RAPH1: variants seen among roughly 807,000 people sequenced by gnomAD.
RAPH1 encodes ras-associated and pleckstrin homology domains-containing protein 1.
Under a neutral mutation model 88.1 loss-of-function variants are expected in RAPH1, and 18 were observed. The observed-to-expected ratio is 0.20, with a 90% confidence interval of 0.14 to 0.30. The LOEUF (loss-of-function observed/expected upper bound fraction) is 0.30. RAPH1 is among the 10% of genes least tolerant of loss of function. The pLI, the probability that RAPH1 is intolerant of heterozygous loss-of-function variation, is 1.00. For synonymous variants in RAPH1, 587 were observed against 559.0 expected, an observed-to-expected ratio of 1.05 and a Z score of -0.71; for missense variants, 1,448 against 1,543.2, an observed-to-expected ratio of 0.94 and a Z score of 1.03.
intron 13 of RAPH1, chr2:203,442,108 T>TAAACA: frequency 6.3e-7 from 1 of 1,582,776 alleles, no homozygotes; most frequent in Non-Finnish European, 8.6e-7. Flanking sequence ...AAATGCTTTG[T>TAAACA]AAACATTATA....
chr2:203,506,872 A>ATATC, intron 1 of RAPH1, among the ~76,000 whole-genome samples: 1 of 96,302 alleles, frequency 1.0e-5, no homozygotes, highest in South Asian at 3.1e-4. Flanking sequence ...ATATATATAT[A>ATATC]TATATATAGA....
At chr2:203,449,884 G>C (rs538620177) in intron 10 of RAPH1, among the ~76,000 whole-genome samples, 1 of 151,930 alleles carries the variant, frequency 6.6e-6, no homozygotes. Context: ...TTAGTTGGAC[G>C]TGGTGGTGCA....
At position 203,530,629 on chromosome 2, in the gene RAPH1, C is replaced by T. The variant is rs542335585; in HGVS notation, c.-1+4482G>A. Among the ~76,000 whole-genome samples, 7 of 152,282 alleles carry T rather than the reference C, an allele frequency of 4.6e-5. No homozygotes were observed. The South Asian group carries it at 8.3e-4, about 18-fold the overall frequency. Reference sequence around the variant, plus strand: ...AATTTAGGCCAAGCGTGATGGCTCACGCCTGTAATCCCAGCACTTTGGGAA... The same window carrying T: ...AATTTAGGCCAAGCGTGATGGCTCATGCCTGTAATCCCAGCACTTTGGGAA... On this transcript the variant is annotated intron_variant, in intron 1 of 13. Transcript: ENST00000319170.
chr2:203,496,991 C>T (rs987009731), intron 1 of RAPH1, among the ~76,000 whole-genome samples: 1 of 152,158 alleles, frequency 6.6e-6, no homozygotes, highest in Non-Finnish European at 1.5e-5. Context: ...ACTTGATATA[C>T]ATATGCCATG....
At chr2:203,481,568 A>AATATATATATATATATATAT (rs60650703) in intron 4 of RAPH1, among the ~76,000 whole-genome samples, 21 of 138,094 alleles carry the variant, frequency 1.5e-4, no homozygotes, top group African/African-American at 5.6e-4. Flanking sequence ...TAAATAGATG[A>AATATATATATATATATATAT]ATATATATAT....
Position 203,448,218 on chromosome 2 carries a change from C to T in RAPH1, c.1513-139G>A. On this transcript the variant is annotated intron_variant, in intron 11 of 13. Transcript: ENST00000319170. The surrounding 1 kb of genome is among the most constrained non-coding windows in gnomAD (Gnocchi z 4.1). ...TAATACCTATGATAGTTCAAAAATT[C>T]CTCTAATACCATAAATTATAATCTA... 3.1e-6 allele frequency: 2 copies of T among 641,778 alleles called. No homozygotes were observed. Among genetic ancestry groups the T allele is most frequent in the Non-Finnish European group, 4.9e-6 (2 of 411,970 alleles). The allele number at this position is 641,778 out of a possible 1,614,324, so 39.8% of individuals were successfully genotyped here. A position where few individuals can be genotyped will look rare whatever the true frequency, so the allele number is the denominator to read the frequency against.
chr2:203,441,285 AGGT>A lies in RAPH1; in HGVS notation c.1902_1904del (p.Pro648del). The stretch of plus-strand genomic sequence containing the variant: ...GTGGTGGAGGGGGTGGTGGAGGAGG[AGGT>A]GGGGGTGGCGGAGGAGGTAGAGGTG... On this transcript the variant is annotated inframe_deletion, in exon 14 of 14. Transcript: ENST00000319170. 1 of 319,016 alleles carries A rather than the reference AGGT, an allele frequency of 3.1e-6. No homozygotes were observed. Among genetic ancestry groups the A allele is most frequent in the Non-Finnish European group, 4.2e-6 (1 of 235,576 alleles). 19.8% of individuals were successfully genotyped at this position (319,016 alleles called of 1,614,324 possible).
At chr2:203,441,528 A>T in intron 13 of RAPH1, 115 bp from the exon 14 acceptor site, 1 of 1,407,152 alleles carries the variant, frequency 7.1e-7, no homozygotes, top group Non-Finnish European at 9.2e-7. Context: ...GACATGCATG[A>T]AAAGGATGCA....
intron 1 of RAPH1, among the ~76,000 whole-genome samples, chr2:203,534,508 A>ACCCCCCCCCCCCCCCCCCCCCC (rs71007530): frequency 5.2e-5 from 1 of 19,108 alleles, no homozygotes; most frequent in Non-Finnish European, 1.7e-4. Context: ...CCCTCCGTCC[A>ACCCCCCCCCCCCCCCCCCCCCC]CCCCCCCCCC....
chr2:203,459,929 T>C lies in RAPH1; in HGVS notation c.1070A>G (p.Tyr357Cys). ...TACCTGTGGGTTTTTGAAAAGTGCA[T>C]ATTTTTCTATACGCTCCATAAATAT... The part of the protein sequence containing the change: ...KLIFMERIEK[Y>C]ALFKNPQNYL... The change falls in exon 7 of 14, where the codon TAT (tyrosine) becomes TGT (cysteine). Residue 357 changes from tyrosine (Y) to cysteine (C), a missense_variant. Physicochemically the swap from Tyr to Cys is radical, Grantham distance 194. Transcript: ENST00000319170. 1 of 1,613,182 alleles carries C rather than the reference T, an allele frequency of 6.2e-7. No homozygotes were observed. The highest frequency in any genetic ancestry group is 8.5e-7 in the Non-Finnish European group (1 of 1,179,564).
intron 4 of RAPH1, among the ~76,000 whole-genome samples, chr2:203,467,884 C>T (rs1320141499): frequency 1.3e-5 from 2 of 151,920 alleles, no homozygotes; most frequent in African/African-American, 4.8e-5. Context: ...TCTCCCACCT[C>T]AGCCTCCTGA....
At chr2:203,534,123 C>A (rs1475703171) in intron 1 of RAPH1, among the ~76,000 whole-genome samples, 3 of 152,206 alleles carry the variant, frequency 2.0e-5, no homozygotes, top group Non-Finnish European at 2.9e-5. Flanking sequence ...TCATCCCTAA[C>A]CCGTTACCTT....
chr2:203,441,664 GA>G, intron 13 of RAPH1: 5 of 1,313,058 alleles, frequency 3.8e-6, no homozygotes, highest in Non-Finnish European at 4.8e-6. Flanking sequence ...AACAATCTAG[GA>G]AAAATGTCCG....
intron 1 of RAPH1, among the ~76,000 whole-genome samples, chr2:203,526,893 C>G (rs1157150331): frequency 2.0e-5 from 3 of 151,648 alleles, no homozygotes; most frequent in South Asian, 2.1e-4. Flanking sequence ...AAGCAATTCT[C>G]CTGCCTCAGC....
At position 203,448,685 on chromosome 2, in the gene RAPH1, A is replaced by G. The variant is rs550927281; in HGVS notation, c.1512+53T>C. 77 of 1,268,368 alleles carry G rather than the reference A, an allele frequency of 6.1e-5. No individual in the cohort carries two copies. The highest frequency in any genetic ancestry group is 1.8e-4 in the African/African-American group (12 of 65,944). The allele number at this position is 1,268,368 out of a possible 1,614,324, so 78.6% of individuals were successfully genotyped here. A position where few individuals can be genotyped will look rare whatever the true frequency, so the allele number is the denominator to read the frequency against. On this transcript the variant is annotated intron_variant, in intron 11 of 13. Transcript: ENST00000319170. This position sits in a 1 kb window ranked among gnomAD's most constrained non-coding sequence, Gnocchi z 4.1. ...AATAGTTGTCATGAAAACGAAAACT[A>G]TATCATCGACAAACACCTCATTATT...
chr2:203,500,586 T>C (rs1688699048), intron 1 of RAPH1, among the ~76,000 whole-genome samples: 1 of 152,222 alleles, frequency 6.6e-6, no homozygotes, highest in Non-Finnish European at 1.5e-5. Flanking sequence ...ACTCAAGATC[T>C]ACTGAATACT....
At chr2:203,461,042 G>T (rs1442071660) in intron 6 of RAPH1, among the ~76,000 whole-genome samples, 1 of 152,006 alleles carries the variant, frequency 6.6e-6, no homozygotes, top group East Asian at 1.9e-4. Context: ...CTTGAACCCA[G>T]GAGGCAGAGG....
chr2:203,453,649 A>G lies in RAPH1; in HGVS notation c.1413+781T>C, dbSNP rs1223584931. Reference sequence around the variant, plus strand: ...AATCCTAAAATCCTAAAACTCCCAAACTAATGGCAGTCCCCAAACTAAAGT... The same window carrying G: ...AATCCTAAAATCCTAAAACTCCCAAGCTAATGGCAGTCCCCAAACTAAAGT... On this transcript the variant is annotated intron_variant, in intron 10 of 13. Coordinates refer to ENST00000319170, the MANE Select transcript of RAPH1 (RefSeq NM_213589.3). Among the ~76,000 whole-genome samples the G allele has an allele frequency of 2.6e-5, 4 of 151,824 alleles. No homozygotes were observed. The East Asian group carries it at 7.7e-4, about 29-fold the overall frequency.
At chr2:203,508,637 C>A (rs1689197086) in intron 1 of RAPH1, among the ~76,000 whole-genome samples, 1 of 152,030 alleles carries the variant, frequency 6.6e-6, no homozygotes, top group Admixed American at 6.6e-5. Context: ...CAAGCAGACC[C>A]ACACAGTGCA....
Sources: gnomAD v4.1 joint callset for allele counts (sites outside exome capture counted in the v4.1 genomes callset) on GRCh38, gnomAD v4.1.1 for gene constraint, Gnocchi (gnomAD v3.1) non-coding constraint, MANE v1.5 for transcripts, NCBI Gene and HGNC (gene_info 2026-07-23, HGNC 2026-07-21) for gene names.